Variants in RARB observed in about 807,000 individuals in gnomAD.
RARB encodes HBV-activated protein.
In RARB, 17 loss-of-function variants were observed where a neutral mutation model predicts 51.9. That is an observed-to-expected ratio of 0.33 (90% confidence interval 0.22 to 0.49). The LOEUF is 0.49. RARB is among the 20% of genes least tolerant of loss of function. The probability of loss-of-function intolerance (pLI) is 0.99; values close to 1 mark genes in which losing one functional copy is unlikely to be tolerated. For synonymous variants in RARB, 215 were observed against 195.4 expected, an observed-to-expected ratio of 1.10 and a Z score of -0.84; for missense variants, 369 against 550.8, an observed-to-expected ratio of 0.67 and a Z score of 3.30.
chr3:25,308,541 C>T (rs1189741778), intron 5 of RARB, among the ~76,000 whole-genome samples: 1 of 151,602 alleles, frequency 6.6e-6, no homozygotes, highest in African/African-American at 2.4e-5. Flanking sequence ...CCCTGCCTCC[C>T]AGGTTCAAGC....
chr3:25,092,480 C>T (rs940689250), intron 3 of RARB, among the ~76,000 whole-genome samples: 2 of 152,016 alleles, frequency 1.3e-5, no homozygotes, highest in Non-Finnish European at 2.9e-5. Flanking sequence ...AGTTGTCTCT[C>T]TTATTTTTAC....
chr3:25,555,661 G>A (rs1700027230), intron 3 of RARB: 1 of 152,156 alleles, frequency 6.6e-6, no homozygotes, highest in Admixed American at 6.5e-5. Context: ...ATGTACTCTA[G>A]TTATTTCTTG....
chr3:25,331,525 A>T (rs1347371886), intron 5 of RARB, among the ~76,000 whole-genome samples: 1 of 152,250 alleles, frequency 6.6e-6, no homozygotes, highest in African/African-American at 2.4e-5. Flanking sequence ...CATGTAAAGC[A>T]GTGTGTAGAG....
chr3:25,386,138 A>G (rs961068100), intron 5 of RARB, among the ~76,000 whole-genome samples: 4 of 152,186 alleles, frequency 2.6e-5, no homozygotes, highest in Non-Finnish European at 4.4e-5. Context: ...CAGGGACACA[A>G]ACAGAGCTGT....
chr3:24,888,228 A>G (rs1703300832), intron 2 of RARB, among the ~76,000 whole-genome samples: 1 of 152,192 alleles, frequency 6.6e-6, no homozygotes, highest in Non-Finnish European at 1.5e-5. Flanking sequence ...AATAACTATA[A>G]CACAAATAAT....
intron 5 of RARB, among the ~76,000 whole-genome samples, chr3:25,410,002 C>T (rs887501221): frequency 2.0e-5 from 3 of 152,208 alleles, no homozygotes; most frequent in African/African-American, 7.2e-5. Context: ...TAGATCTTGA[C>T]AATTTTTTCA....
intron 3 of RARB, among the ~76,000 whole-genome samples, chr3:25,125,977 A>T (rs988095594): frequency 2.6e-5 from 4 of 152,176 alleles, no homozygotes; most frequent in Non-Finnish European, 4.4e-5. Flanking sequence ...TGGCCTTCAC[A>T]GTGAGGTTCC....
At chr3:25,282,887 A>G (rs1383914377) in intron 5 of RARB, among the ~76,000 whole-genome samples, 1 of 152,216 alleles carries the variant, frequency 6.6e-6, no homozygotes, top group African/African-American at 2.4e-5. Context: ...CTCAAGGAAG[A>G]CAGCCTGGTA....
chr3:25,399,769 A>G (rs1166700949), intron 5 of RARB, among the ~76,000 whole-genome samples: 1 of 152,206 alleles, frequency 6.6e-6, no homozygotes, highest in East Asian at 1.9e-4. Flanking sequence ...GTTAGCTGGA[A>G]CCAGAAGTAA....
chr3:25,031,318 C>T (rs1044970193), intron 2 of RARB, among the ~76,000 whole-genome samples: 1 of 152,222 alleles, frequency 6.6e-6, no homozygotes, highest in African/African-American at 2.4e-5. Context: ...TTTCTGTTCT[C>T]ATACCATAAA....
intron 3 of RARB, among the ~76,000 whole-genome samples, chr3:25,546,461 G>A (rs1030244017): frequency 6.6e-6 from 1 of 152,076 alleles, no homozygotes; most frequent in East Asian, 1.9e-4. Flanking sequence ...TGGTGGGGAG[G>A]AGTCCAGTAT....
intron 2 of RARB, among the ~76,000 whole-genome samples, chr3:24,984,105 C>T (rs1461493925): frequency 1.3e-5 from 2 of 152,156 alleles, no homozygotes; most frequent in African/African-American, 4.8e-5. Flanking sequence ...ATATAACCCA[C>T]AGTCATTACA....
Position 25,238,178 on chromosome 3 carries a change from G to T in RARB, c.178+63603G>T, listed in dbSNP as rs183408422. On this transcript the variant is annotated intron_variant, in intron 5 of 11. Coordinates refer to the RARB transcript ENST00000383772. ...CCCCCACACATCCTTCCCAGTCTCT[G>T]GTATCTAGGATTCTACTCTCTACCT... 2.6e-5 allele frequency among the ~76,000 whole-genome samples: 4 copies of T among 150,954 alleles called. No homozygotes were observed. In the South Asian group the frequency reaches 6.3e-4, roughly 24 times the overall value.
chr3:25,360,204 G>T (rs1294794476), intron 5 of RARB, among the ~76,000 whole-genome samples: 17 of 152,170 alleles, frequency 1.1e-4, no homozygotes, highest in Admixed American at 1.1e-3. Flanking sequence ...TCTTCTTGTT[G>T]TGTTGATCCC....
chr3:25,499,421 G>C (rs75277010), intron 2 of RARB, among the ~76,000 whole-genome samples: 8,027 of 152,280 alleles, frequency 0.053, 268 homozygotes, highest in Non-Finnish European at 0.078. Flanking sequence ...ATTCAGAAGA[G>C]AGAAAAGGCA....
chr3:25,329,093 C>T (rs1051134913), intron 5 of RARB, among the ~76,000 whole-genome samples: 8 of 152,212 alleles, frequency 5.3e-5, no homozygotes, highest in East Asian at 1.9e-4. Flanking sequence ...CTGCACCTCT[C>T]AGGGCAGGGC....
At chr3:25,556,769 A>G (rs1312854158) in intron 3 of RARB, among the ~76,000 whole-genome samples, 1 of 152,186 alleles carries the variant, frequency 6.6e-6, no homozygotes, top group Non-Finnish European at 1.5e-5. Context: ...TGATGACAGC[A>G]GTGATGTTGC....
At chr3:25,324,010 G>A (rs1408212674) in intron 5 of RARB, among the ~76,000 whole-genome samples, 1 of 152,064 alleles carries the variant, frequency 6.6e-6, no homozygotes, top group African/African-American at 2.4e-5. Flanking sequence ...TGACACTCAA[G>A]GAAGCAGAGA....
At chr3:25,440,704 C>T (rs756663113) in intron 1 of RARB, among the ~76,000 whole-genome samples, 9 of 151,340 alleles carry the variant, frequency 5.9e-5, no homozygotes, top group Admixed American at 2.6e-4. Flanking sequence ...ACCGGGGAGG[C>T]GGAGGTTGCA....
Sources: gnomAD v4.1 joint callset for allele counts (sites outside exome capture counted in the v4.1 genomes callset) on GRCh38, gnomAD v4.1.1 for gene constraint, MANE v1.5 for transcripts, NCBI Gene and HGNC (gene_info 2026-07-23, HGNC 2026-07-21) for gene names.